Variants in TUBG1 observed in about 807,000 individuals in gnomAD.
The protein encoded by TUBG1 is tubulin gamma-1 chain.
A neutral mutation model predicts 53.3 loss-of-function variants in TUBG1; 22 were observed. The observed-to-expected ratio is 0.41, with a 90% CI of 0.29 to 0.59. The LOEUF (loss-of-function observed/expected upper bound fraction) is 0.59, where lower values mean the gene tolerates loss of function less well. Among genes scored for constraint, TUBG1 ranks in the 20% least tolerant of loss-of-function variants. The probability of loss-of-function intolerance (pLI) is 0.26; values close to 1 mark genes in which losing one functional copy is unlikely to be tolerated. For synonymous variants in TUBG1, 198 were observed against 236.7 expected (o/e 0.84, Z 1.50); for missense variants, 217 against 598.9 (o/e 0.36, Z 6.66).
intron 3 of TUBG1, 39 bp from the exon 4 acceptor site, chr17:42,612,036 G>A (rs1233259886): frequency 8.1e-6 from 13 of 1,606,668 alleles, no homozygotes; most frequent in Non-Finnish European, 1.1e-5. Flanking sequence ...GACCTCCCAT[G>A]GTTCTGTCCC....
chr17:42,614,238 C>G lies in TUBG1; in HGVS notation c.844-22C>G. The G allele has an allele frequency of 1.2e-6, 2 of 1,613,864 alleles. No individual in the cohort carries two copies. Among genetic ancestry groups the G allele is most frequent in the Non-Finnish European group, 1.7e-6 (2 of 1,179,826 alleles). ...ACTGTGCCCTGAGCGCTGGCCGGGT[C>G]CCTGTCTCACTGTCCTATCAGGTGG... On this transcript the variant is annotated intron_variant, in intron 8 of 10. Coordinates refer to ENST00000251413, the MANE Select transcript of TUBG1 (RefSeq NM_001070.5). The surrounding 1 kb of genome is among the most constrained non-coding windows in gnomAD (Gnocchi z 5.1).
chr17:42,610,080 T>C, intron 1 of TUBG1, 28 bp from the exon 2 acceptor site: 1 of 1,613,530 alleles, frequency 6.2e-7, no homozygotes, highest in Non-Finnish European at 8.5e-7. Context: ...GATATCTTCT[T>C]TCTCCCCTGC....
In TUBG1 at chr17:42,615,089, C is replaced by G; in HGVS notation, c.*48C>G. On this transcript the variant is annotated 3_prime_UTR_variant, in exon 11 of 11. Coordinates refer to ENST00000251413, the MANE Select transcript of TUBG1 (RefSeq NM_001070.5). ...ATCTGCCTTACTGGTTGGCCCAAGC[C>G]CTGCCTGACTGACCACCCCCTCAGA... 1 of 1,598,590 alleles carries G rather than the reference C, an allele frequency of 6.3e-7. No homozygotes were observed. Among genetic ancestry groups the G allele is most frequent in the Non-Finnish European group, 8.6e-7 (1 of 1,168,392 alleles).
chr17:42,613,218 G>C, intron 6 of TUBG1, 145 bp downstream of exon 6: 1 of 1,336,138 alleles, frequency 7.5e-7, no homozygotes, highest in Non-Finnish European at 1.0e-6. Context: ...GGGAGGCCAA[G>C]GTCGTTGGAT....
intron 3 of TUBG1, 79 bp downstream of exon 3, chr17:42,610,669 C>T (rs2052024792): frequency 1.3e-6 from 2 of 1,596,172 alleles, no homozygotes; most frequent in Non-Finnish European, 1.7e-6. Context: ...AGAGGGAAAA[C>T]CGGATCAGGG....
At position 42,614,722 on chromosome 17, in the gene TUBG1, C is replaced by T; in HGVS notation, c.1158+65C>T. On this transcript the variant is annotated intron_variant, in intron 10 of 10. Coordinates refer to ENST00000251413, the MANE Select transcript of TUBG1 (RefSeq NM_001070.5). The surrounding 1 kb of genome is among the most constrained non-coding windows in gnomAD (Gnocchi z 5.1). Reference sequence around the variant, plus strand: ...TTCCTGACTATACCTCACCTCTCTGCATCTGCTGGCCCTGCTTCTAGCTTT... The same window carrying T: ...TTCCTGACTATACCTCACCTCTCTGTATCTGCTGGCCCTGCTTCTAGCTTT... 1 of 1,606,330 alleles carries T rather than the reference C, an allele frequency of 6.2e-7. No individual in the cohort carries two copies. Among genetic ancestry groups the T allele is most frequent in the Middle Eastern group, 1.7e-4 (1 of 6,022 alleles).
At chr17:42,613,192 G>A in intron 6 of TUBG1, 119 bp downstream of exon 6, 2 of 1,449,998 alleles carry the variant, frequency 1.4e-6, no homozygotes, top group South Asian at 1.3e-5. Flanking sequence ...GCTCATGACT[G>A]TAATCCCATC....
intron 4 of TUBG1, 93 bp downstream of exon 4, chr17:42,612,236 G>GTTTTT: frequency 7.1e-7 from 1 of 1,412,802 alleles, no homozygotes; most frequent in Non-Finnish European, 1.0e-6. Context: ...ACCCACTCAT[G>GTTTTT]TACCCTTTGC....
rs1447854614 is a variant in TUBG1 at position 42,615,027 on chromosome 17, A to G, written c.1342A>G (p.Thr448Ala). 1 of 1,614,096 alleles carries G rather than the reference A, an allele frequency of 6.2e-7. No homozygotes were observed. The highest frequency in any genetic ancestry group is 2.2e-5 in the East Asian group (1 of 44,866). The change falls in exon 11 of 11, where the codon ACC becomes GCC. Residue 448 changes from threonine to alanine, a missense_variant. By Grantham distance (58) the Thr-to-Ala change is moderately conservative. Coordinates refer to ENST00000251413, the MANE Select transcript of TUBG1 (RefSeq NM_001070.5). Reference protein sequence around the residue: ...ATRPDYISWGTQEQ With the variant: ...ATRPDYISWGAQEQ ...ACGGCCAGACTACATCTCCTGGGGC[A>G]CCCAGGAGCAGTGAGTCCCCCAGGA...
intron 4 of TUBG1, 131 bp downstream of exon 4, chr17:42,612,274 A>G (rs2143451992): frequency 7.7e-7 from 1 of 1,304,158 alleles, no homozygotes; most frequent in Non-Finnish European, 1.1e-6. Context: ...AGGCCTTGCC[A>G]GAAACAAGGC....
chr17:42,614,157 C>G lies in TUBG1; in HGVS notation c.844-103C>G. ...ACAGAGTGGGCGACTTTCTTGCTGA[C>G]TTGCTCTCCACCCTCCCTCTGCCTT... On this transcript the variant is annotated intron_variant, in intron 8 of 10. Coordinates refer to ENST00000251413, the MANE Select transcript of TUBG1 (RefSeq NM_001070.5). The surrounding 1 kb of genome is among the most constrained non-coding windows in gnomAD (Gnocchi z 5.1). 1.9e-6 allele frequency: 3 copies of G among 1,592,782 alleles called. No homozygotes were observed. In the Admixed American group the frequency reaches 5.2e-5, roughly 27 times the overall value.
At chr17:42,613,533 G>T (rs888096153) in intron 6 of TUBG1, 114 bp from the exon 7 acceptor site, 3 of 1,519,782 alleles carry the variant, frequency 2.0e-6, no homozygotes, top group Admixed American at 1.7e-5. Flanking sequence ...TCTCTTTCCA[G>T]TGAGTCTTTC....
intron 5 of TUBG1, among the ~76,000 whole-genome samples, 170 bp from the exon 6 acceptor site, chr17:42,612,777 T>TC (rs1567931172): frequency 1.3e-5 from 2 of 152,188 alleles, no homozygotes; most frequent in East Asian, 3.9e-4. Context: ...TCTCTGCCCT[T>TC]CCCCCTGTAG....
In TUBG1 at chr17:42,614,218, G is replaced by T. The variant is rs759569328; in HGVS notation, c.844-42G>T. On this transcript the variant is annotated intron_variant, in intron 8 of 10. Coordinates refer to ENST00000251413, the MANE Select transcript of TUBG1 (RefSeq NM_001070.5). This position sits in a 1 kb window ranked among gnomAD's most constrained non-coding sequence, Gnocchi z 5.1. ...CAAAGAGAAGCCAAAGGGGGACTGT[G>T]CCCTGAGCGCTGGCCGGGTCCCTGT... 6.2e-7 allele frequency: 1 copy of T among 1,613,426 alleles called. No homozygotes were observed. Among genetic ancestry groups the T allele is most frequent in the Non-Finnish European group, 8.5e-7 (1 of 1,179,556 alleles).
At position 42,614,451 on chromosome 17, in the gene TUBG1, G is replaced by A; in HGVS notation, c.996+39G>A. 1.2e-6 allele frequency: 2 copies of A among 1,614,110 alleles called. No individual in the cohort carries two copies. Among genetic ancestry groups the A allele is most frequent in the Non-Finnish European group, 1.7e-6 (2 of 1,180,006 alleles). ...CTTCATCCCACACCCTGGACCTGCA[G>A]GGGTAGAGGAGAGGCCACCTCCACT... On this transcript the variant is annotated intron_variant, in intron 9 of 10. Transcript: ENST00000251413. This position sits in a 1 kb window ranked among gnomAD's most constrained non-coding sequence, Gnocchi z 5.1.
rs2052059920 is a variant in TUBG1, at chr17:42,614,354, C to G, written c.938C>G (p.Thr313Ser). Reference sequence around the variant, plus strand: ...GTGTCCACAGGCCGAGACCGCCAGACCAACCACTGCTACATCGCCATCCTC... The same window carrying G: ...GTGTCCACAGGCCGAGACCGCCAGAGCAACCACTGCTACATCGCCATCCTC... ...VMVSTGRDRQ[T>S]NHCYIAILNI... Residue 313 changes from threonine to serine, a missense_variant, in exon 9 of 11, where the codon ACC becomes AGC. Transcript: ENST00000251413. The surrounding 1 kb of genome is among the most constrained non-coding windows in gnomAD (Gnocchi z 5.1). 1 of 1,613,828 alleles carries G rather than the reference C, an allele frequency of 6.2e-7. No homozygotes were observed. Among genetic ancestry groups the G allele is most frequent in the African/African-American group, 1.3e-5 (1 of 74,902 alleles).
At position 42,613,917 on chromosome 17, in the gene TUBG1, C is replaced by T. The variant is rs2052055528; in HGVS notation, c.762C>T (p.Ile254=). 7 of 1,614,088 alleles carry T rather than the reference C, an allele frequency of 4.3e-6. No individual in the cohort carries two copies. The highest frequency in any genetic ancestry group is 1.6e-4 in the Middle Eastern group (1 of 6,084). Residue 254 remains isoleucine (I), a synonymous_variant, in exon 8 of 11, where the codon ATC becomes ATT. Transcript: ENST00000251413. ...RYPGYMNNDL[I]GLIASLIPTP... The stretch of plus-strand genomic sequence containing the variant: ...CTGGCTACATGAACAATGACCTCAT[C>T]GGCCTCATCGCCTCGCTCATTCCCA...
chr17:42,612,316 G>T (rs1384126289), intron 4 of TUBG1, 111 bp from the exon 5 acceptor site: 2 of 1,365,054 alleles, frequency 1.5e-6, no homozygotes, highest in Non-Finnish European at 2.1e-6. Flanking sequence ...GAGGGGACTG[G>T]ATGGGAAGCA....
At chr17:42,612,262 T>A in intron 4 of TUBG1, 119 bp downstream of exon 4, 1 of 1,321,908 alleles carries the variant, frequency 7.6e-7, no homozygotes, top group Non-Finnish European at 1.1e-6. Context: ...ACAGAAGCTA[T>A]CAGGCCTTGC....
Sources: gnomAD v4.1 joint callset for allele counts (sites outside exome capture counted in the v4.1 genomes callset) on GRCh38, gnomAD v4.1.1 for gene constraint, Gnocchi (gnomAD v3.1) non-coding constraint, MANE v1.5 for transcripts, NCBI Gene and HGNC (gene_info 2026-07-23, HGNC 2026-07-21) for gene names.